The following ZNF726 variants were observed in gnomAD, a reference collection of about 807,000 sequenced individuals.
The protein encoded by ZNF726 is zinc finger protein 726.
Under a neutral mutation model 11.6 loss-of-function variants are expected in ZNF726, and 15 were observed. The ratio of observed to expected loss-of-function variants is 1.29; its 90% confidence interval spans 0.86 to 1.99. ZNF726 has a LOEUF of 1.99. Ranked by LOEUF, ZNF726 falls within the 30% of genes most tolerant of loss-of-function variation. The pLI is 0.00. For missense variants in ZNF726, 890 were observed against 725.6 expected (o/e 1.23, Z -2.60); for synonymous variants, 295 against 243.6 (o/e 1.21, Z -1.96).
downstream of ZNF726, among the ~76,000 whole-genome samples, chr19:23,936,531 T>C (rs191707784): frequency 9.5e-4 from 145 of 152,220 alleles, no homozygotes; most frequent in Non-Finnish European, 1.4e-3. Flanking sequence ...ATATGAGAGA[T>C]TCTTTTTTAT....
intron 3 of ZNF726, among the ~76,000 whole-genome samples, chr19:23,939,676 C>G (rs1384963406): frequency 6.6e-6 from 1 of 152,078 alleles, no homozygotes; most frequent in Non-Finnish European, 1.5e-5. Flanking sequence ...TGCATCCACG[C>G]CAACATCTAC....
chr19:23,919,711 G>A (rs1423625187), intron 2 of ZNF726: 2 of 582,196 alleles, frequency 3.4e-6, no homozygotes, highest in Non-Finnish European at 5.2e-6. Flanking sequence ...CTTTAGATTA[G>A]TGGTAATTTC....
At chr19:23,938,580 C>T (rs1193606077), downstream of ZNF726, among the ~76,000 whole-genome samples, 8 of 146,100 alleles carry the variant, frequency 5.5e-5, no homozygotes, top group African/African-American at 1.8e-4. Flanking sequence ...TTTGTTTGTT[C>T]GTTTAATAGT....
At chr19:23,931,771 C>A (rs879506861) in intron 3 of ZNF726, among the ~76,000 whole-genome samples, 1 of 152,086 alleles carries the variant, frequency 6.6e-6, no homozygotes, top group Admixed American at 6.6e-5. Flanking sequence ...TTGTAGGAGT[C>A]AGTAATCACT....
At position 23,917,507 on chromosome 19, in the gene ZNF726, AT is replaced by A. The variant is rs1360264651; in HGVS notation, c.4-1865del. The stretch of plus-strand genomic sequence containing the variant: ...AAAGAAAAAAAGAAAAAAAAAAAAA[AT>A]CTCTGTTCAATTTCAGCTGTAGACA... On this transcript the variant is annotated intron_variant, in intron 1 of 3. Coordinates refer to ENST00000594466, the MANE Select transcript of ZNF726 (RefSeq NM_001244038.2). 9.5e-5 allele frequency among the ~76,000 whole-genome samples: 14 copies of A among 147,276 alleles called. No homozygotes were observed. In the East Asian group the frequency reaches 1.8e-3, roughly 19 times the overall value.
chr19:23,923,431 A>C, intron 3 of ZNF726: 1 of 291,794 alleles, frequency 3.4e-6, no homozygotes, highest in Non-Finnish European at 6.2e-6. Context: ...TTTTTTTTTG[A>C]GATGGAGTCT....
rs1968168534 is a variant in ZNF726, at chr19:23,933,594, C to T, written c.1478C>T (p.Ser493Phe). The part of the protein sequence containing the change: ...CEECGKAFSQ[S>F]STLTAHKIIH... ...GAATGTGGCAAAGCTTTTAGCCAGTCCTCAACCCTTACTGCACATAAGATA... is the reference window on the plus strand; with the variant it reads ...GAATGTGGCAAAGCTTTTAGCCAGTTCTCAACCCTTACTGCACATAAGATA... The change falls in exon 4 of 4, where the codon TCC (serine) becomes TTC (phenylalanine). Residue 493 changes from serine (S) to phenylalanine (F), a missense_variant. Physicochemically the swap from Ser to Phe is radical, Grantham distance 155. Transcript: ENST00000594466. 1.2e-6 allele frequency: 2 copies of T among 1,611,148 alleles called. No individual in the cohort carries two copies. Among genetic ancestry groups the T allele is most frequent in the Middle Eastern group, 1.7e-4 (1 of 6,052 alleles).
chr19:23,920,039 G>C lies in ZNF726; in HGVS notation c.183G>C (p.Glu61Asp). ...DLIICLEKEK[E>D]PWNMKRDEMV... ...TCATCTGTCTGGAGAAAGAAAAAGAGCCCTGGAATATGAAGCGAGATGAGA... is the reference window on the plus strand; with the variant it reads ...TCATCTGTCTGGAGAAAGAAAAAGACCCCTGGAATATGAAGCGAGATGAGA... The change falls in exon 3 of 4, where the codon GAG becomes GAC. Residue 61 changes from glutamate to aspartate, a missense_variant. Physicochemically the swap from Glu to Asp is conservative, Grantham distance 45. Coordinates refer to ENST00000594466, the MANE Select transcript of ZNF726 (RefSeq NM_001244038.2). 1.3e-6 allele frequency: 2 copies of C among 1,591,140 alleles called. No homozygotes were observed. Among genetic ancestry groups the C allele is most frequent in the Non-Finnish European group, 1.7e-6 (2 of 1,166,710 alleles).
intron 3 of ZNF726, among the ~76,000 whole-genome samples, chr19:23,924,823 G>T (rs1695468663): frequency 1.3e-5 from 2 of 151,924 alleles, no homozygotes; most frequent in African/African-American, 4.8e-5. Flanking sequence ...CGCTGGGAGT[G>T]TGAGGCTGCA....
intron 4 of ZNF726, chr19:23,943,700 C>A (rs973916143): frequency 1.6e-5 from 7 of 434,684 alleles, no homozygotes; most frequent in African/African-American, 9.9e-5. Context: ...GAAAGATTTC[C>A]TAAAAAGCCT....
chr19:23,919,923 C>A, intron 2 of ZNF726, 64 bp from the exon 3 acceptor site: 1 of 1,131,494 alleles, frequency 8.8e-7, no homozygotes. Context: ...TTACTTTGCA[C>A]ATTACTAAGT....
rs1379480426 is a variant in ZNF726, at chr19:23,933,732, G to A, written c.1616G>A (p.Cys539Tyr). ...CACACTGGAGAGAAACCCTACAAATGTGAAGAATGTGGCAAAACTTTTAAT... is the reference window on the plus strand; with the variant it reads ...CACACTGGAGAGAAACCCTACAAATATGAAGAATGTGGCAAAACTTTTAAT... ...RIHTGEKPYK[C>Y]EECGKTFNQS... The change falls in exon 4 of 4, where the codon TGT becomes TAT. Residue 539 changes from cysteine to tyrosine, a missense_variant. By Grantham distance (194) the Cys-to-Tyr change is radical. Coordinates refer to ENST00000594466, the MANE Select transcript of ZNF726 (RefSeq NM_001244038.2). The A allele has an allele frequency of 8.7e-6, 14 of 1,612,094 alleles. No homozygotes were observed. Among genetic ancestry groups the A allele is most frequent in the African/African-American group, 1.3e-5 (1 of 74,848 alleles).
chr19:23,929,162 C>G (rs1307933924), intron 3 of ZNF726: 1 of 151,698 alleles, frequency 6.6e-6, no homozygotes, highest in African/African-American at 2.4e-5. Context: ...TTTATGTGTT[C>G]CTCAGTGGTA....
At chr19:23,923,664 C>T in intron 3 of ZNF726, 1 of 167,948 alleles carries the variant, frequency 6.0e-6, no homozygotes, top group South Asian at 1.3e-4. Context: ...TCCCAAAGTG[C>T]TGGGATTACA....
chr19:23,942,137 C>T (rs897453939), intron 3 of ZNF726, among the ~76,000 whole-genome samples: 1 of 151,990 alleles, frequency 6.6e-6, no homozygotes, highest in Non-Finnish European at 1.5e-5. Context: ...TCGCTGTATC[C>T]AAGAGGTTTT....
rs756833398 is a variant in ZNF726, at chr19:23,932,386, C to A, written c.270C>A (p.Gly90=). ...CTCAAGACATTTGGCCAGAGCAGGG[C>A]GTGGAAGATTCTTTTCAAAAAGTAA... is the stretch of plus-strand genomic sequence containing the variant. ...HFAQDIWPEQ[G]VEDSFQKVIL... is the part of the protein sequence containing the mutation. Residue 90 remains glycine, a synonymous_variant, in exon 4 of 4, where the codon GGC becomes GGA. Transcript: ENST00000594466. 1.3e-6 allele frequency: 2 copies of A among 1,504,984 alleles called. No homozygotes were observed. Among genetic ancestry groups the A allele is most frequent in the Middle Eastern group, 1.8e-4 (1 of 5,596 alleles). 93.2% of individuals were successfully genotyped at this position (1,504,984 alleles called of 1,614,324 possible).
At chr19:23,937,553 C>T (rs1020633317), downstream of ZNF726, among the ~76,000 whole-genome samples, 13 of 151,650 alleles carry the variant, frequency 8.6e-5, no homozygotes, top group East Asian at 5.9e-4. Flanking sequence ...GATGGGCAGC[C>T]GGGCAGAGAC....
At chr19:23,935,617 A>G (rs149038196), downstream of ZNF726, 3,392 of 318,720 alleles carry the variant, frequency 0.011, 50 homozygotes, top group South Asian at 0.019. Context: ...CTGCTGACAA[A>G]TCCTAGAAAT....
rs760768459 is a variant in ZNF726 at position 23,932,360 on chromosome 19, G to C, written c.244G>C (p.Ala82Pro). ...TTTTTTAGGTATATGTCCTCATTTT[G>C]CTCAAGACATTTGGCCAGAGCAGGG... Reference protein sequence around the residue: ...DEPPGICPHFAQDIWPEQGVE... With the variant: ...DEPPGICPHFPQDIWPEQGVE... The change falls in exon 4 of 4, where the codon GCT becomes CCT. Residue 82 changes from alanine (A) to proline (P), a missense_variant. Coordinates refer to ENST00000594466, the MANE Select transcript of ZNF726 (RefSeq NM_001244038.2). 58 of 1,428,848 alleles carry C rather than the reference G, an allele frequency of 4.1e-5. No individual in the cohort carries two copies. The highest frequency in any genetic ancestry group is 5.0e-5 in the Non-Finnish European group (55 of 1,091,120). The allele number at this position is 1,428,848 out of a possible 1,614,324, so 88.5% of individuals were successfully genotyped here.
Sources: allele counts gnomAD v4.1 joint callset (sites outside exome capture counted in the v4.1 genomes callset), GRCh38; gene constraint gnomAD v4.1.1; transcripts MANE v1.5; gene names NCBI Gene and HGNC (gene_info 2026-07-23, HGNC 2026-07-21).